ATP11B: variants seen among roughly 807,000 people sequenced by gnomAD.
ATP11B encodes the protein ATPase phospholipid transporting 11B (putative), also known as phospholipid-transporting ATPase IF.
Under a neutral mutation model 157.8 loss-of-function variants are expected in ATP11B, and 81 were observed. That is an observed-to-expected ratio of 0.51 (90% CI 0.43 to 0.62). ATP11B has a LOEUF of 0.62. Among genes scored for constraint, ATP11B ranks in the 20% least tolerant of loss-of-function variants. The pLI is 0.00. For missense variants in ATP11B, 1,165 were observed against 1,402.2 expected, an observed-to-expected ratio of 0.83 and a Z score of 2.70; for synonymous variants, 451 against 469.4, an observed-to-expected ratio of 0.96 and a Z score of 0.51.
chr3:182,909,934 T>G (rs1424273499), intron 28 of ATP11B, among the ~76,000 whole-genome samples: 1 of 151,498 alleles, frequency 6.6e-6, no homozygotes, highest in Non-Finnish European at 1.5e-5. Context: ...CGTGGTGGTG[T>G]GTGCCTGTAG....
At chr3:182,890,977 T>A (rs1375221570) in intron 25 of ATP11B, among the ~76,000 whole-genome samples, 1 of 152,212 alleles carries the variant, frequency 6.6e-6, no homozygotes, top group Admixed American at 6.5e-5. Flanking sequence ...ACATGGCACA[T>A]GTATACATAT....
chr3:182,793,670 C>T lies in ATP11B; in HGVS notation c.-90C>T. 1 of 864,864 alleles carries T rather than the reference C, an allele frequency of 1.2e-6. No homozygotes were observed. The highest frequency in any genetic ancestry group is 2.1e-5 in the South Asian group (1 of 48,692). The allele number at this position is 864,864 out of a possible 1,614,324, so 53.6% of individuals were successfully genotyped here. ...GTAAGCGGAACTTCGGCCCGAGGGGCTCGCCCGCTCCCGCCTCTGTCTTGT... is the reference window on the plus strand; with the variant it reads ...GTAAGCGGAACTTCGGCCCGAGGGGTTCGCCCGCTCCCGCCTCTGTCTTGT... On this transcript the variant is annotated 5_prime_UTR_variant, in exon 1 of 30. Transcript: ENST00000323116.
chr3:182,819,183 TCTC>T (rs1175251499), intron 1 of ATP11B, among the ~76,000 whole-genome samples: 2 of 151,390 alleles, frequency 1.3e-5, no homozygotes, highest in Non-Finnish European at 2.9e-5. Context: ...TTCCCGCCAT[TCTC>T]CTGCTCAGAG....
intron 10 of ATP11B, among the ~76,000 whole-genome samples, chr3:182,852,713 CAA>C (rs956589324): frequency 1.3e-5 from 2 of 152,176 alleles, no homozygotes; most frequent in African/African-American, 4.8e-5. Context: ...AAAACTGACT[CAA>C]AGTGTAAGAT....
rs139611991 is a variant in ATP11B at position 182,802,515 on chromosome 3, T to A, written c.27+8729T>A. Reference sequence around the variant, plus strand: ...CACTAGCCTTATTGCAATTCAGAAGTCCCAGGCATACTTCAGTTTTAGGAG... The same window carrying A: ...CACTAGCCTTATTGCAATTCAGAAGACCCAGGCATACTTCAGTTTTAGGAG... On this transcript the variant is annotated intron_variant, in intron 1 of 29. Coordinates refer to ENST00000323116, the MANE Select transcript of ATP11B (RefSeq NM_014616.3). 6.4e-4 allele frequency among the ~76,000 whole-genome samples: 98 copies of A among 152,260 alleles called. 1 individual carries two copies. The highest frequency in any genetic ancestry group is 2.9e-4 in the Non-Finnish European group (20 of 68,014).
At chr3:182,838,878 T>C (rs926749966) in intron 7 of ATP11B, among the ~76,000 whole-genome samples, 1 of 151,994 alleles carries the variant, frequency 6.6e-6, no homozygotes, top group Non-Finnish European at 1.5e-5. Flanking sequence ...TAGGTATATA[T>C]GTAGATATTT....
At chr3:182,808,151 T>C (rs1347472001) in intron 1 of ATP11B, among the ~76,000 whole-genome samples, 1 of 152,232 alleles carries the variant, frequency 6.6e-6, no homozygotes, top group African/African-American at 2.4e-5. Flanking sequence ...TTTCATCTCC[T>C]GAACTACAAG....
At chr3:182,860,495 T>C (rs1337986668) in intron 12 of ATP11B, among the ~76,000 whole-genome samples, 1 of 152,178 alleles carries the variant, frequency 6.6e-6, no homozygotes, top group African/African-American at 2.4e-5. Context: ...TTATTTTTTG[T>C]TTCATGGGCA....
chr3:182,894,342 A>G (rs1723374636), intron 25 of ATP11B, among the ~76,000 whole-genome samples: 1 of 152,178 alleles, frequency 6.6e-6, no homozygotes, highest in South Asian at 2.1e-4. Context: ...ATGGGCCACC[A>G]CGCCAGGCTA....
At chr3:182,825,298 T>C (rs1484356106) in intron 2 of ATP11B, among the ~76,000 whole-genome samples, 1 of 152,274 alleles carries the variant, frequency 6.6e-6, no homozygotes, top group Non-Finnish European at 1.5e-5. Context: ...ATTAATGTTT[T>C]GTTCTTAATC....
At chr3:182,817,932 C>A (rs1459696668) in intron 1 of ATP11B, among the ~76,000 whole-genome samples, 3 of 152,066 alleles carry the variant, frequency 2.0e-5, no homozygotes, top group Non-Finnish European at 4.4e-5. Context: ...GTTTGAGGCC[C>A]TGAAATTTAC....
At chr3:182,870,930 A>G (rs75959370) in intron 17 of ATP11B, among the ~76,000 whole-genome samples, 132 of 149,506 alleles carry the variant, frequency 8.8e-4, no homozygotes, top group South Asian at 1.1e-3. Context: ...TCCGTCTGAA[A>G]AAAAAAAAAA....
At position 182,876,201 on chromosome 3, in the gene ATP11B, C is replaced by G. The variant is rs867293269; in HGVS notation, c.2252+2186C>G. On this transcript the variant is annotated intron_variant, in intron 19 of 29. Transcript: ENST00000323116. ...AAGGCTACAGTGAACTGTGCTCTTG[C>G]CTAAAAAATAAAAATAATTTTAAAA... Among the ~76,000 whole-genome samples the G allele has an allele frequency of 4.6e-5, 7 of 151,804 alleles. No individual in the cohort carries two copies. In the South Asian group the frequency reaches 1.5e-3, roughly 32 times the overall value.
chr3:182,832,313 A>C (rs1718213236), intron 4 of ATP11B, among the ~76,000 whole-genome samples: 1 of 152,178 alleles, frequency 6.6e-6, no homozygotes, highest in Admixed American at 6.5e-5. Context: ...AAAAGGGGGA[A>C]ATATAAAAGG....
intron 1 of ATP11B, among the ~76,000 whole-genome samples, chr3:182,800,118 A>T (rs963509501): frequency 2.6e-5 from 4 of 152,138 alleles, no homozygotes; most frequent in African/African-American, 9.7e-5. Flanking sequence ...TCTAAAAAAT[A>T]AAAATTAAAA....
intron 28 of ATP11B, chr3:182,902,639 G>A: frequency 2.1e-6 from 2 of 931,422 alleles, no homozygotes; most frequent in Non-Finnish European, 2.9e-6. Context: ...TCAAAAGATG[G>A]GCAGAGGCAT....
At chr3:182,806,207 TTTA>T (rs1180641091) in intron 1 of ATP11B, among the ~76,000 whole-genome samples, 2 of 152,188 alleles carry the variant, frequency 1.3e-5, no homozygotes. Context: ...CTTTCTGACA[TTTA>T]TTATTGCTGT....
intron 2 of ATP11B, among the ~76,000 whole-genome samples, chr3:182,823,616 A>G (rs1300483282): frequency 6.6e-6 from 1 of 152,140 alleles, no homozygotes; most frequent in African/African-American, 2.4e-5. Context: ...TTGGTTCCAT[A>G]TGAACTTTAA....
chr3:182,819,392 A>G (rs1717183924), intron 1 of ATP11B, among the ~76,000 whole-genome samples: 1 of 151,916 alleles, frequency 6.6e-6, no homozygotes, highest in African/African-American at 2.4e-5. Flanking sequence ...ATATTTCAAA[A>G]CCCTAGACAA....
Sources: allele counts gnomAD v4.1 joint callset (sites outside exome capture counted in the v4.1 genomes callset), GRCh38; gene constraint gnomAD v4.1.1; transcripts MANE v1.5; gene names NCBI Gene and HGNC (gene_info 2026-07-23, HGNC 2026-07-21).